Variants in SLC26A3 observed in about 807,000 individuals in gnomAD.
The protein encoded by SLC26A3 is solute carrier family 26 member 3.
Under a neutral mutation model 85.6 loss-of-function variants are expected in SLC26A3, and 64 were observed. That is an observed-to-expected ratio of 0.75 (90% CI 0.61 to 0.92). The LOEUF is 0.92. Among genes scored for constraint, SLC26A3 ranks in the 40% least tolerant of loss-of-function variants. SLC26A3 has a pLI of 0.00. For missense variants in SLC26A3, 922 were observed against 927.3 expected (o/e 0.99, Z 0.07); for synonymous variants, 349 against 336.0 (o/e 1.04, Z -0.42).
chr7:107,772,272 G>T (rs553626853), intron 17 of SLC26A3, among the ~76,000 whole-genome samples, 164 bp from the exon 18 acceptor site: 1 of 152,188 alleles, frequency 6.6e-6, no homozygotes, highest in South Asian at 2.1e-4. Flanking sequence ...TAAAAACAAG[G>T]CTCTGTGACA....
intron 14 of SLC26A3, 28 bp downstream of exon 14, chr7:107,776,609 G>A: frequency 6.2e-7 from 1 of 1,608,080 alleles, no homozygotes; most frequent in Non-Finnish European, 8.5e-7. Flanking sequence ...CATTTAGCAA[G>A]TCAAAGAAAA....
At chr7:107,769,981 C>A (rs1011305561) in intron 18 of SLC26A3, among the ~76,000 whole-genome samples, 7 of 141,332 alleles carry the variant, frequency 5.0e-5, no homozygotes, top group Non-Finnish European at 9.4e-5. Flanking sequence ...CCCTCCCTCC[C>A]TTCCTTCCTT....
At chr7:107,789,113 CTTTTTCTTTTT>C (rs1443593351) in intron 6 of SLC26A3, among the ~76,000 whole-genome samples, 1 of 124,784 alleles carries the variant, frequency 8.0e-6, no homozygotes, top group African/African-American at 3.0e-5. Context: ...CTTTTCTTTT[CTTTTTCTTTTT>C]TTTTTTTTTG....
chr7:107,779,446 T>C (rs58257778), intron 12 of SLC26A3, among the ~76,000 whole-genome samples: 1 of 152,330 alleles, frequency 6.6e-6, no homozygotes, highest in East Asian at 1.9e-4. Flanking sequence ...ATGGAGCCCA[T>C]TCTTTTAAAT....
rs780867682 is a variant in SLC26A3 at position 107,793,871 on chromosome 7, G to C, written c.142C>G (p.Gln48Glu). The C allele has an allele frequency of 2.5e-6, 4 of 1,614,050 alleles. No individual in the cohort carries two copies. The highest frequency in any genetic ancestry group is 1.3e-5 in the African/African-American group (1 of 75,020). The change falls in exon 3 of 21, where the codon CAA becomes GAA. Residue 48 changes from glutamine (Q) to glutamate (E), a missense_variant. Gln to Glu is a conservative substitution (Grantham distance 29). Transcript: ENST00000340010. ...GAGAGGACAATTCTCTTGGCCTTTT[G>C]TGGGGAACAGCTGAAAACATGGAAA... ...HLKVCCSCSP[Q>E]KAKRIVLSLF...
intron 3 of SLC26A3, among the ~76,000 whole-genome samples, 169 bp from the exon 4 acceptor site, chr7:107,792,109 G>T (rs1437332630): frequency 6.6e-6 from 1 of 152,164 alleles, no homozygotes; most frequent in Non-Finnish European, 1.5e-5. Flanking sequence ...ACTTTTAGAA[G>T]AAAGCATAGG....
intron 8 of SLC26A3, among the ~76,000 whole-genome samples, chr7:107,786,293 T>TA (rs1794293014): frequency 6.6e-6 from 1 of 152,128 alleles, no homozygotes; most frequent in Admixed American, 6.5e-5. Context: ...AGAAGCAGTT[T>TA]ACTTTGCCTA....
At chr7:107,801,339 G>C (rs1794596330) in intron 1 of SLC26A3, among the ~76,000 whole-genome samples, 1 of 149,128 alleles carries the variant, frequency 6.7e-6, no homozygotes, top group Admixed American at 6.6e-5. Flanking sequence ...AACAAGGTGA[G>C]GCACCATCAG....
intron 1 of SLC26A3, among the ~76,000 whole-genome samples, chr7:107,799,050 A>G (rs1184968651): frequency 2.0e-5 from 3 of 152,158 alleles, no homozygotes; most frequent in Non-Finnish European, 4.4e-5. Context: ...GGTTAGCGTG[A>G]GGCTGGATAG....
At chr7:107,780,471 C>T (rs1448734833) in intron 11 of SLC26A3, among the ~76,000 whole-genome samples, 3 of 152,120 alleles carry the variant, frequency 2.0e-5, no homozygotes, top group Non-Finnish European at 4.4e-5. Flanking sequence ...TGCTGAATAG[C>T]TAAGTATATT....
intron 2 of SLC26A3, 152 bp from the exon 3 acceptor site, chr7:107,794,033 T>C: frequency 9.6e-7 from 1 of 1,045,998 alleles, no homozygotes; most frequent in South Asian, 1.4e-5. Flanking sequence ...TCAGCTGCCC[T>C]CTGGTCACCA....
intron 18 of SLC26A3, among the ~76,000 whole-genome samples, chr7:107,771,205 T>C (rs531173768): frequency 4.6e-5 from 7 of 152,080 alleles, no homozygotes; most frequent in Admixed American, 2.0e-4. Context: ...AGGTAAGCAG[T>C]GATGCAGTGA....
At position 107,765,592 on chromosome 7, in the gene SLC26A3, C is replaced by G. The variant is rs116732405; in HGVS notation, c.*263G>C. 420 of 423,284 alleles carry G rather than the reference C, an allele frequency of 9.9e-4. 1 individual carries two copies. Among genetic ancestry groups the G allele is most frequent in the African/African-American group, 8.1e-3 (403 of 49,528 alleles). The allele number at this position is 423,284 out of a possible 1,614,324, so 26.2% of individuals were successfully genotyped here. On this transcript the variant is annotated 3_prime_UTR_variant, in exon 21 of 21. Coordinates refer to ENST00000340010, the MANE Select transcript of SLC26A3 (RefSeq NM_000111.3). ...TGAAGGTAGTGACTAGGATGGAAAT[C>G]TGTCAGTGCTACAAAAATATGTATG...
rs78347203 is a variant in SLC26A3 at position 107,801,577 on chromosome 7, T to C, written c.-89+1534A>G. Among the ~76,000 whole-genome samples, 21 of 152,362 alleles carry C rather than the reference T, an allele frequency of 1.4e-4. No homozygotes were observed. In the East Asian group the frequency reaches 4.0e-3, roughly 29 times the overall value. On this transcript the variant is annotated intron_variant, in intron 1 of 20. Coordinates refer to ENST00000340010, the MANE Select transcript of SLC26A3 (RefSeq NM_000111.3). ...ACCAGACTGTGTTATTACATATTTA[T>C]TCTTGTAATTGAAAAATATTCATTC...
chr7:107,767,954 G>C, intron 18 of SLC26A3, 46 bp from the exon 19 acceptor site: 1 of 1,584,958 alleles, frequency 6.3e-7, no homozygotes, highest in South Asian at 1.1e-5. Context: ...CAATTGTTTG[G>C]CTACCGGTTT....
At chr7:107,777,366 G>T (rs968779237) in intron 13 of SLC26A3, among the ~76,000 whole-genome samples, 1 of 152,088 alleles carries the variant, frequency 6.6e-6, no homozygotes, top group Admixed American at 6.5e-5. Flanking sequence ...AGGCTAAGTC[G>T]GGCGGATCAC....
In SLC26A3 at chr7:107,794,544, C is replaced by A. The variant is rs1450229987; in HGVS notation, c.-35G>T. 1.2e-6 allele frequency: 2 copies of A among 1,613,214 alleles called. No homozygotes were observed. The highest frequency in any genetic ancestry group is 1.7e-6 in the Non-Finnish European group (2 of 1,179,284). On this transcript the variant is annotated 5_prime_UTR_variant, in exon 2 of 21. Transcript: ENST00000340010. ...TCTGTTGGCTGTGGCAAGTTGAAGACCTTTGCAACTATGTGGTGAACACTT... is the reference window on the plus strand; with the variant it reads ...TCTGTTGGCTGTGGCAAGTTGAAGAACTTTGCAACTATGTGGTGAACACTT...
chr7:107,779,832 G>A (rs1794186621), intron 11 of SLC26A3, 69 bp from the exon 12 acceptor site: 1 of 1,301,176 alleles, frequency 7.7e-7, no homozygotes. Flanking sequence ...CAAAGGTGAA[G>A]GCTATAGATA....
chr7:107,774,246 GAGTTGAGCC>G, intron 16 of SLC26A3, 93 bp from the exon 17 acceptor site: 4 of 1,017,520 alleles, frequency 3.9e-6, no homozygotes, highest in Non-Finnish European at 6.2e-6. Context: ...CACTGATTCT[GAGTTGAGCC>G]AAACGATGGG....
Sources: allele counts gnomAD v4.1 joint callset (sites outside exome capture counted in the v4.1 genomes callset), GRCh38; gene constraint gnomAD v4.1.1; transcripts MANE v1.5; gene names NCBI Gene and HGNC (gene_info 2026-07-23, HGNC 2026-07-21).